The following PRKCE variants were observed in gnomAD, a reference collection of about 807,000 sequenced individuals.
PRKCE encodes the protein protein kinase C epsilon type.
In PRKCE, 16 loss-of-function variants were observed where a neutral mutation model predicts 85.4. The ratio of observed to expected loss-of-function variants is 0.19; its 90% CI spans 0.13 to 0.28. The LOEUF is 0.28. PRKCE is among the 10% of genes least tolerant of loss of function. The pLI is 1.00. For synonymous variants in PRKCE, 388 were observed against 371.5 expected, an observed-to-expected ratio of 1.04 and a Z score of -0.51; for missense variants, 573 against 975.2, an observed-to-expected ratio of 0.59 and a Z score of 5.49.
chr2:46,160,015 A>C (rs149700718), intron 14 of PRKCE: 1 of 403,038 alleles, frequency 2.5e-6, no homozygotes, highest in African/African-American at 2.1e-5. Flanking sequence ...CAGAGATTCA[A>C]TTTATTTATT....
intron 2 of PRKCE, among the ~76,000 whole-genome samples, chr2:45,950,867 A>T (rs937622835): frequency 3.3e-5 from 5 of 151,890 alleles, no homozygotes; most frequent in African/African-American, 1.2e-4. Flanking sequence ...TTCCTAGAGG[A>T]CCTCTCAGAA....
intron 11 of PRKCE, among the ~76,000 whole-genome samples, chr2:46,097,248 G>A (rs1670778363): frequency 6.6e-6 from 1 of 152,182 alleles, no homozygotes; most frequent in Non-Finnish European, 1.5e-5. Context: ...GCAGGGTGCA[G>A]TGGCTCACAC....
chr2:45,822,327 C>T lies in PRKCE; in HGVS notation c.349-20673C>T, dbSNP rs149855253. Among the ~76,000 whole-genome samples the T allele has an allele frequency of 2.0e-5, 3 of 152,340 alleles. No individual in the cohort carries two copies. The East Asian group carries it at 5.8e-4, about 29-fold the overall frequency. The stretch of plus-strand genomic sequence containing the variant: ...TTACGGAGGATGAAACTTGAGCCAG[C>T]CCGGGAGAAAAGTGCTGTGGGCTCT... On this transcript the variant is annotated intron_variant, in intron 1 of 14. Transcript: ENST00000306156.
intron 1 of PRKCE, among the ~76,000 whole-genome samples, chr2:45,812,225 A>G (rs1171605971): frequency 6.6e-6 from 1 of 152,230 alleles, no homozygotes; most frequent in Non-Finnish European, 1.5e-5. Context: ...AGGGGAGGTA[A>G]TTTGTCAGCA....
intron 2 of PRKCE, among the ~76,000 whole-genome samples, chr2:45,912,612 AC>A (rs891537759): frequency 2.0e-5 from 3 of 152,172 alleles, no homozygotes; most frequent in African/African-American, 7.2e-5. Context: ...GAAGGAGCCA[AC>A]CTGGGGACCA....
intron 10 of PRKCE, among the ~76,000 whole-genome samples, chr2:46,042,830 A>G (rs6544870): frequency 0.49 from 73,934 of 152,066 alleles, 18,807 homozygotes; most frequent in African/African-American, 0.63. Context: ...GCTTCTTCCC[A>G]GCATCCTTGT....
At chr2:46,050,876 T>G (rs916922343) in intron 10 of PRKCE, among the ~76,000 whole-genome samples, 6 of 152,232 alleles carry the variant, frequency 3.9e-5, no homozygotes, top group African/African-American at 1.4e-4. Context: ...TCTTTCTCAG[T>G]GCCCACAATG....
chr2:45,967,535 C>T (rs1262060142), intron 2 of PRKCE, among the ~76,000 whole-genome samples: 2 of 152,136 alleles, frequency 1.3e-5, no homozygotes, highest in Admixed American at 6.5e-5. Context: ...GGGCCTTTAT[C>T]AACCATTATA....
intron 1 of PRKCE, among the ~76,000 whole-genome samples, chr2:45,678,780 A>G (rs1236266254): frequency 6.6e-6 from 1 of 152,096 alleles, no homozygotes; most frequent in African/African-American, 2.4e-5. Context: ...TTTAGAAGTC[A>G]TGGGAAGAGG....
At chr2:46,136,169 A>T (rs1674975065) in intron 11 of PRKCE, among the ~76,000 whole-genome samples, 1 of 152,050 alleles carries the variant, frequency 6.6e-6, no homozygotes, top group Non-Finnish European at 1.5e-5. Flanking sequence ...TTTCTGCAGC[A>T]CTCAGGCCTG....
chr2:45,718,260 C>G (rs539841713), intron 1 of PRKCE, among the ~76,000 whole-genome samples: 11 of 152,130 alleles, frequency 7.2e-5, no homozygotes, highest in African/African-American at 2.7e-4. Flanking sequence ...GCAAAATTGC[C>G]CCCAATTGAG....
chr2:46,004,325 A>T lies in PRKCE; in HGVS notation c.967-217A>T, dbSNP rs1425753407. On this transcript the variant is annotated intron_variant, in intron 7 of 14. Coordinates refer to ENST00000306156, the MANE Select transcript of PRKCE (RefSeq NM_005400.3). This position sits in a 1 kb window ranked among gnomAD's most constrained non-coding sequence, Gnocchi z 4.1. ...TGTGAATGTAGGGAAGGTGCACTGA[A>T]ATTCCTTTTGTGGTTCTTGCTCTGG... The T allele has an allele frequency of 8.1e-6, 4 of 491,236 alleles. No individual in the cohort carries two copies. Among genetic ancestry groups the T allele is most frequent in the Admixed American group, 3.3e-5 (1 of 30,642 alleles). 30.4% of individuals were successfully genotyped at this position (491,236 alleles called of 1,614,324 possible). A position where few individuals can be genotyped will look rare whatever the true frequency, so the allele number is the denominator to read the frequency against.
chr2:45,805,717 C>T (rs1035888387), intron 1 of PRKCE, among the ~76,000 whole-genome samples: 5 of 152,026 alleles, frequency 3.3e-5, no homozygotes, highest in African/African-American at 1.2e-4. Flanking sequence ...CTGCCTCAGC[C>T]ACCCAAGTAG....
intron 1 of PRKCE, among the ~76,000 whole-genome samples, chr2:45,746,861 C>T (rs1683179549): frequency 6.6e-6 from 1 of 152,176 alleles, no homozygotes; most frequent in South Asian, 2.1e-4. Flanking sequence ...AGGAACATGT[C>T]ATTGCATTCC....
At position 45,769,443 on chromosome 2, in the gene PRKCE, A is replaced by T. The variant is rs1389216703; in HGVS notation, c.349-73557A>T. ...CATCTGTGTGTGTGTGGCTTTTTGCATGCGTATCTGATGGTTGTGTGTACA... is the reference window on the plus strand; with the variant it reads ...CATCTGTGTGTGTGTGGCTTTTTGCTTGCGTATCTGATGGTTGTGTGTACA... On this transcript the variant is annotated intron_variant, in intron 1 of 14. Coordinates refer to ENST00000306156, the MANE Select transcript of PRKCE (RefSeq NM_005400.3). Among the ~76,000 whole-genome samples the T allele has an allele frequency of 2.0e-5, 3 of 152,070 alleles. No individual in the cohort carries two copies. In the East Asian group the frequency reaches 5.8e-4, roughly 29 times the overall value.
chr2:45,707,558 C>G (rs1679215999), intron 1 of PRKCE, among the ~76,000 whole-genome samples: 1 of 152,218 alleles, frequency 6.6e-6, no homozygotes, highest in Non-Finnish European at 1.5e-5. Context: ...GGTCCTGTGA[C>G]TTGCTCTTGC....
chr2:45,661,726 G>A (rs1377825332), intron 1 of PRKCE, among the ~76,000 whole-genome samples: 4 of 145,392 alleles, frequency 2.8e-5, no homozygotes, highest in Admixed American at 1.4e-4. Flanking sequence ...TTTTTAGTAA[G>A]GAAGGGGTTT....
chr2:46,057,277 G>A (rs7562373), intron 10 of PRKCE, among the ~76,000 whole-genome samples: 6,423 of 152,260 alleles, frequency 0.042, 369 homozygotes, highest in African/African-American at 0.13. Context: ...GTGTCAAGGG[G>A]CGTGTGGAAT....
chr2:45,853,459 A>T (rs543125823), intron 2 of PRKCE, among the ~76,000 whole-genome samples: 1 of 152,270 alleles, frequency 6.6e-6, no homozygotes, highest in East Asian at 1.9e-4. Context: ...CCTGAATTTG[A>T]TCCCACTGTG....
Sources: gnomAD v4.1 joint callset for allele counts (sites outside exome capture counted in the v4.1 genomes callset) on GRCh38, gnomAD v4.1.1 for gene constraint, Gnocchi (gnomAD v3.1) non-coding constraint, MANE v1.5 for transcripts, NCBI Gene and HGNC (gene_info 2026-07-23, HGNC 2026-07-21) for gene names.